CACNA2D3: variants seen among roughly 807,000 people sequenced by gnomAD.
CACNA2D3 encodes voltage-dependent calcium channel subunit alpha-2/delta-3.
Under a neutral mutation model 160.6 loss-of-function variants are expected in CACNA2D3, and 60 were observed. That is an observed-to-expected ratio of 0.37 (90% CI 0.30 to 0.46). CACNA2D3 has a LOEUF of 0.46. Among genes scored for constraint, CACNA2D3 ranks in the 20% least tolerant of loss-of-function variants. The pLI is 1.00. For synonymous variants in CACNA2D3, 558 were observed against 492.9 expected, an observed-to-expected ratio of 1.13 and a Z score of -1.75; for missense variants, 1,205 against 1,365.0, an observed-to-expected ratio of 0.88 and a Z score of 1.85.
intron 11 of CACNA2D3, 143 bp from the exon 12 acceptor site, chr3:54,752,456 T>G: frequency 1.6e-6 from 1 of 632,850 alleles, no homozygotes; most frequent in Non-Finnish European, 2.9e-6. Flanking sequence ...CTGACTATAC[T>G]TCAGATGTCT....
intron 14 of CACNA2D3, among the ~76,000 whole-genome samples, chr3:54,826,744 C>T (rs1489661996): frequency 6.6e-6 from 1 of 152,094 alleles, no homozygotes; most frequent in Non-Finnish European, 1.5e-5. Context: ...TAACCACTCC[C>T]CACCCCCACC....
chr3:54,298,944 TAAA>T (rs59100168), intron 2 of CACNA2D3, among the ~76,000 whole-genome samples: 7,678 of 97,612 alleles, frequency 0.079, 354 homozygotes, highest in East Asian at 0.13. Flanking sequence ...CTCTGTTTCT[TAAA>T]AAAAAAAAAA....
At chr3:54,361,315 A>G (rs1299474536) in intron 3 of CACNA2D3, among the ~76,000 whole-genome samples, 1 of 151,952 alleles carries the variant, frequency 6.6e-6, no homozygotes, top group Non-Finnish European at 1.5e-5. Flanking sequence ...GCCCAGGTCA[A>G]ACAAAGCAGG....
chr3:54,365,312 C>T (rs1026439429), intron 3 of CACNA2D3, among the ~76,000 whole-genome samples: 2 of 152,158 alleles, frequency 1.3e-5, no homozygotes, highest in Non-Finnish European at 2.9e-5. Flanking sequence ...GCTTCTATTC[C>T]AGCAGATAAG....
intron 27 of CACNA2D3, among the ~76,000 whole-genome samples, chr3:54,959,771 C>T (rs1000976025): frequency 2.0e-5 from 3 of 152,066 alleles, no homozygotes; most frequent in Admixed American, 6.6e-5. Flanking sequence ...GGCTTGAAAA[C>T]TTTATTGAAA....
At chr3:54,262,919 A>G (rs1702431665) in intron 2 of CACNA2D3, among the ~76,000 whole-genome samples, 1 of 152,208 alleles carries the variant, frequency 6.6e-6, no homozygotes. Context: ...TATTTAAGTA[A>G]ATCAGGAATC....
intron 6 of CACNA2D3, 99 bp downstream of exon 6, chr3:54,563,030 C>A: frequency 8.5e-7 from 1 of 1,172,596 alleles, no homozygotes; most frequent in Non-Finnish European, 1.2e-6. Flanking sequence ...TCTGCCTTTT[C>A]TTAGAAGAAA....
chr3:54,689,279 C>T (rs564793248), intron 11 of CACNA2D3, among the ~76,000 whole-genome samples: 6 of 152,156 alleles, frequency 3.9e-5, no homozygotes, highest in South Asian at 2.1e-4. Flanking sequence ...TTTTGGTTCC[C>T]GCTCAGTTCT....
intron 2 of CACNA2D3, among the ~76,000 whole-genome samples, chr3:54,192,965 AG>A (rs2107339310): frequency 6.6e-6 from 1 of 152,350 alleles, no homozygotes; most frequent in Non-Finnish European, 1.5e-5. Flanking sequence ...AGCCCAGCAC[AG>A]GCTATCCTTC....
chr3:54,605,381 C>T (rs929833213), intron 9 of CACNA2D3, among the ~76,000 whole-genome samples: 8 of 152,032 alleles, frequency 5.3e-5, no homozygotes, highest in African/African-American at 1.9e-4. Context: ...TGATAATGGC[C>T]CTTATCCTAT....
chr3:54,730,741 G>A (rs963737089), intron 11 of CACNA2D3, among the ~76,000 whole-genome samples: 4 of 152,128 alleles, frequency 2.6e-5, no homozygotes, highest in African/African-American at 9.7e-5. Flanking sequence ...GACCTCAGGT[G>A]ATCCACCCGC....
intron 2 of CACNA2D3, among the ~76,000 whole-genome samples, chr3:54,207,348 A>T (rs1248057942): frequency 3.3e-5 from 5 of 150,802 alleles, no homozygotes; most frequent in Non-Finnish European, 7.4e-5. Flanking sequence ...TCACACAGCT[A>T]GCAAGTGGCA....
At chr3:55,054,683 C>A (rs1001186614) in intron 35 of CACNA2D3, among the ~76,000 whole-genome samples, 2 of 151,578 alleles carry the variant, frequency 1.3e-5, no homozygotes, top group Admixed American at 6.6e-5. Context: ...TAGATTGATT[C>A]TTCTGTTGAC....
intron 2 of CACNA2D3, among the ~76,000 whole-genome samples, chr3:54,311,994 CT>C (rs1448566818): frequency 6.6e-6 from 1 of 152,100 alleles, no homozygotes; most frequent in Non-Finnish European, 1.5e-5. Flanking sequence ...GAACGTGAGG[CT>C]TCTTTCACTC....
chr3:54,916,240 T>G (rs1196452680), intron 27 of CACNA2D3, among the ~76,000 whole-genome samples: 1 of 152,172 alleles, frequency 6.6e-6, no homozygotes, highest in African/African-American at 2.4e-5. Flanking sequence ...AAACATTTGG[T>G]GAAACTGGGA....
At chr3:55,001,925 G>A (rs1045157466) in intron 31 of CACNA2D3, among the ~76,000 whole-genome samples, 1 of 152,170 alleles carries the variant, frequency 6.6e-6, no homozygotes, top group Non-Finnish European at 1.5e-5. Context: ...TTGGGAGGCT[G>A]AGGCAGGTGG....
chr3:54,579,922 C>A (rs1702646615), intron 8 of CACNA2D3, among the ~76,000 whole-genome samples: 1 of 152,102 alleles, frequency 6.6e-6, no homozygotes, highest in Non-Finnish European at 1.5e-5. Context: ...TATAATTTTT[C>A]AAATACTTTT....
At chr3:54,978,763 C>T (rs991156132) in intron 29 of CACNA2D3, among the ~76,000 whole-genome samples, 5 of 152,188 alleles carry the variant, frequency 3.3e-5, no homozygotes, top group African/African-American at 1.2e-4. Flanking sequence ...CCTGTTGTTT[C>T]TTCTGAGCAG....
chr3:54,928,098 TTCCCCTTGTCTCCATCTGGC>T, intron 27 of CACNA2D3: 5 of 593,136 alleles, frequency 8.4e-6, no homozygotes, highest in Non-Finnish European at 1.2e-5. Flanking sequence ...TAAGCAGCCC[TTCCCCTTGTCTCCATCTGGC>T]TGGGATCAGT....
Sources: gnomAD v4.1 joint callset for allele counts (sites outside exome capture counted in the v4.1 genomes callset) on GRCh38, gnomAD v4.1.1 for gene constraint, MANE v1.5 for transcripts, NCBI Gene and HGNC (gene_info 2026-07-23, HGNC 2026-07-21) for gene names.